Variants in KSR1 observed in about 807,000 individuals in gnomAD.
The protein encoded by KSR1 is kinase suppressor of ras.
KSR1 carries 35 observed loss-of-function variants against 92.9 expected under a neutral mutation model. That is an observed-to-expected ratio of 0.38 (90% CI 0.29 to 0.50). KSR1 has a LOEUF of 0.50. Ranked by LOEUF, KSR1 falls within the 20% of genes least tolerant of loss-of-function variation. The probability of loss-of-function intolerance (pLI) is 0.94; values close to 1 mark genes in which losing one functional copy is unlikely to be tolerated. For synonymous variants in KSR1, 467 were observed against 472.6 expected (o/e 0.99, Z 0.15); for missense variants, 972 against 1,158.5 (o/e 0.84, Z 2.34).
chr17:27,550,676 T>G lies in KSR1; in HGVS notation c.340T>G (p.Tyr114Asp), dbSNP rs200630072. The change falls in exon 2 of 21, where the codon TAC becomes GAC. Residue 114 changes from tyrosine (Y) to aspartate (D), a missense_variant. Tyr to Asp is a radical substitution (Grantham distance 160, BLOSUM62 -3). Transcript: ENST00000644974. ...NSYPRFSDWL[Y>D]TFNVRPEVVQ... ...CTACCCCCGCTTCAGCGACTGGCTG[T>G]ACACTTTCAACGTGAGGCCGGAGGT... The G allele has an allele frequency of 1.3e-6, 1 of 763,822 alleles. No homozygotes were observed. The highest frequency in any genetic ancestry group is 2.4e-5 in the East Asian group (1 of 41,252). The allele number at this position is 763,822 out of a possible 1,614,324, so 47.3% of individuals were successfully genotyped here. A position where few individuals can be genotyped will look rare whatever the true frequency, so the allele number is the denominator to read the frequency against.
chr17:27,566,690 C>T (rs191811267), intron 2 of KSR1: 20 of 397,226 alleles, frequency 5.0e-5, no homozygotes, highest in East Asian at 1.4e-4. Flanking sequence ...GTGGAGAAAT[C>T]GCATGTTGGG....
At chr17:27,568,930 CG>C (rs1037998641) in intron 2 of KSR1, among the ~76,000 whole-genome samples, 48 of 152,286 alleles carry the variant, frequency 3.2e-4, no homozygotes, top group African/African-American at 1.0e-3. Flanking sequence ...TTGTGCAGGG[CG>C]GGACTTTCTC....
chr17:27,475,924 T>C (rs2068328954), intron 1 of KSR1, among the ~76,000 whole-genome samples: 1 of 152,228 alleles, frequency 6.6e-6, no homozygotes, highest in Non-Finnish European at 1.5e-5. Context: ...ATGTGGCATT[T>C]GTAGTCCTGT....
At chr17:27,564,388 T>C (rs1036664519) in intron 2 of KSR1, among the ~76,000 whole-genome samples, 12 of 152,182 alleles carry the variant, frequency 7.9e-5, no homozygotes, top group African/African-American at 2.9e-4. Flanking sequence ...TTAATCGAAG[T>C]TATATTCTTC....
At chr17:27,584,997 C>T (rs570861955) in intron 4 of KSR1, among the ~76,000 whole-genome samples, 5 of 152,292 alleles carry the variant, frequency 3.3e-5, no homozygotes, top group South Asian at 2.1e-4. Context: ...AGTGCAGTGG[C>T]GCAATCTCGG....
intron 1 of KSR1, among the ~76,000 whole-genome samples, chr17:27,473,363 G>A (rs952049590): frequency 2.3e-4 from 35 of 152,170 alleles, no homozygotes; most frequent in African/African-American, 8.0e-4. Context: ...CTCGTTTTTC[G>A]CATCATTGGA....
At chr17:27,483,032 T>C (rs1048673428) in intron 1 of KSR1, among the ~76,000 whole-genome samples, 2 of 152,272 alleles carry the variant, frequency 1.3e-5, no homozygotes, top group Non-Finnish European at 2.9e-5. Context: ...ACTGCCAAGT[T>C]TTAACCATTT....
At chr17:27,601,602 C>G (rs1433863979) in intron 11 of KSR1, among the ~76,000 whole-genome samples, 1 of 152,206 alleles carries the variant, frequency 6.6e-6, no homozygotes, top group Admixed American at 6.5e-5. Context: ...GTGAGAAGTT[C>G]TTGCTGGGAG....
intron 1 of KSR1, among the ~76,000 whole-genome samples, chr17:27,545,984 A>G (rs938248675): frequency 6.6e-6 from 1 of 152,232 alleles, no homozygotes; most frequent in African/African-American, 2.4e-5. Flanking sequence ...CAGTGACAGA[A>G]GGGCTCTAGT....
At chr17:27,522,536 C>T (rs1457323847) in intron 1 of KSR1, among the ~76,000 whole-genome samples, 1 of 152,178 alleles carries the variant, frequency 6.6e-6, no homozygotes, top group Non-Finnish European at 1.5e-5. Flanking sequence ...TTCTTTCCAG[C>T]AGAGATGAGA....
chr17:27,576,154 C>A (rs2072497394), intron 2 of KSR1, among the ~76,000 whole-genome samples: 1 of 152,150 alleles, frequency 6.6e-6, no homozygotes, highest in Non-Finnish European at 1.5e-5. Flanking sequence ...TCTCTGTTAC[C>A]AGCTCAAGAG....
chr17:27,465,192 C>T (rs921733633), intron 1 of KSR1: 1 of 152,212 alleles, frequency 6.6e-6, no homozygotes, highest in Middle Eastern at 3.2e-3. Context: ...AGTCTCCATT[C>T]AAACTGCTGT....
At chr17:27,616,949 T>A (rs961266647) in intron 18 of KSR1, among the ~76,000 whole-genome samples, 2 of 152,240 alleles carry the variant, frequency 1.3e-5, no homozygotes, top group Non-Finnish European at 2.9e-5. Flanking sequence ...ATTTCACCTG[T>A]GAACGTTGTA....
In KSR1 at chr17:27,604,784, A is replaced by G. The variant is rs1474136493; in HGVS notation, c.1614+56A>G. 3 of 1,556,852 alleles carry G rather than the reference A, an allele frequency of 1.9e-6. No individual in the cohort carries two copies. The African/African-American group carries it at 4.1e-5, about 21-fold the overall frequency. ...GCCCCCCCTCTTTTTTCCCTTCCCC[A>G]TCTCAGAATGCGCAGGGGGCTTGAG... On this transcript the variant is annotated intron_variant, in intron 13 of 20. Coordinates refer to ENST00000644974, the MANE Select transcript of KSR1 (RefSeq NM_001394583.1).
intron 1 of KSR1, among the ~76,000 whole-genome samples, chr17:27,522,322 A>G (rs2070070418): frequency 6.6e-6 from 1 of 152,202 alleles, no homozygotes; most frequent in South Asian, 2.1e-4. Context: ...TTGAAACTAA[A>G]CAACCACGCA....
chr17:27,598,877 G>GC (rs1191402622), intron 10 of KSR1, among the ~76,000 whole-genome samples: 10 of 151,572 alleles, frequency 6.6e-5, no homozygotes, highest in Admixed American at 2.0e-4. Flanking sequence ...CCCACTGCCC[G>GC]CCCGGCTGGC....
chr17:27,616,426 A>T (rs536504510), intron 18 of KSR1, among the ~76,000 whole-genome samples: 10 of 152,136 alleles, frequency 6.6e-5, no homozygotes, highest in African/African-American at 2.4e-4. Context: ...GCACTTTCTT[A>T]TTTGTTGATT....
chr17:27,588,518 G>T lies in KSR1; in HGVS notation c.1029G>T (p.Gly343=). The T allele has an allele frequency of 1.3e-6, 2 of 1,592,456 alleles. No individual in the cohort carries two copies. The highest frequency in any genetic ancestry group is 1.7e-6 in the Non-Finnish European group (2 of 1,169,738). Residue 343 remains glycine (G), a synonymous_variant, in exon 6 of 21, where the codon GGG becomes GGT. Coordinates refer to ENST00000644974, the MANE Select transcript of KSR1 (RefSeq NM_001394583.1). ...GSPQMVRRDI[G]LSVTHRFSTK... Reference sequence around the variant, plus strand: ...CACAGATGGTACGGAGGGATATCGGGCTGTCGGTGACGCACAGGTAGGCAC... The same window carrying T: ...CACAGATGGTACGGAGGGATATCGGTCTGTCGGTGACGCACAGGTAGGCAC...
At position 27,559,745 on chromosome 17, in the gene KSR1, G is replaced by A. The variant is rs151002634; in HGVS notation, c.372+9037G>A. ...GGTAGTCAGGGAAAGACGGATGTCCGGGAAGGCAAGAGCACACCAGGCGGA... is the reference window on the plus strand; with the variant it reads ...GGTAGTCAGGGAAAGACGGATGTCCAGGAAGGCAAGAGCACACCAGGCGGA... On this transcript the variant is annotated intron_variant, in intron 2 of 20. Transcript: ENST00000644974. The surrounding 1 kb of genome is among the most constrained non-coding windows in gnomAD (Gnocchi z 4.2). Among the ~76,000 whole-genome samples the A allele has an allele frequency of 1.0e-3, 153 of 152,298 alleles. No individual in the cohort carries two copies. Among genetic ancestry groups the A allele is most frequent in the African/African-American group, 3.4e-3 (142 of 41,550 alleles).
Sources: gnomAD v4.1 joint callset for allele counts (sites outside exome capture counted in the v4.1 genomes callset) on GRCh38, gnomAD v4.1.1 for gene constraint, Gnocchi (gnomAD v3.1) non-coding constraint, MANE v1.5 for transcripts, NCBI Gene and HGNC (gene_info 2026-07-23, HGNC 2026-07-21) for gene names.